The following NLRP2 variants were observed in gnomAD, a reference collection of about 807,000 sequenced individuals.
NLRP2 encodes the protein NACHT, LRR and PYD domains-containing protein 2.
NLRP2 carries 107 observed loss-of-function variants against 97.2 expected under a neutral mutation model. The observed-to-expected ratio is 1.10, with a 90% CI of 0.94 to 1.29. NLRP2 has a LOEUF of 1.29. Among genes scored for constraint, NLRP2 ranks in the 50% most tolerant of loss-of-function variants. The probability of loss-of-function intolerance (pLI) is 0.00; values close to 1 mark genes in which losing one functional copy is unlikely to be tolerated. For missense variants in NLRP2, 1,495 were observed against 1,330.3 expected, an observed-to-expected ratio of 1.12 and a Z score of -1.93; for synonymous variants, 663 against 551.5, an observed-to-expected ratio of 1.20 and a Z score of -2.83.
chr19:54,986,714 C>T (rs1450422038), intron 8 of NLRP2, among the ~76,000 whole-genome samples: 1 of 152,060 alleles, frequency 6.6e-6, no homozygotes, highest in Admixed American at 6.6e-5. Flanking sequence ...CCACGCCCGG[C>T]TAATTTTTGT....
chr19:54,977,602 A>G (rs1287778552), intron 3 of NLRP2, 150 bp from the exon 4 acceptor site: 2 of 773,980 alleles, frequency 2.6e-6, no homozygotes, highest in East Asian at 2.5e-5. Context: ...GGCCTAATGT[A>G]CTTTCACTTT....
rs150097185 is a variant in NLRP2, at chr19:54,970,190, C to T, written c.175C>T (p.Leu59Phe). Residue 59 changes from leucine to phenylalanine, a missense_variant, in exon 2 of 13, where the codon CTC becomes TTC. Coordinates refer to ENST00000448584, the MANE Select transcript of NLRP2 (RefSeq NM_017852.5). ...TGATGGGAAGCAACTGGTAGAAATC[C>T]TCACCACCCATTGTGACAGCTACTG... Reference protein sequence around the residue: ...KADGKQLVEILTTHCDSYWVE... With the variant: ...KADGKQLVEIFTTHCDSYWVE... 1.3e-4 allele frequency: 216 copies of T among 1,613,992 alleles called. No homozygotes were observed. Among genetic ancestry groups the T allele is most frequent in the Non-Finnish European group, 1.8e-4 (208 of 1,180,042 alleles).
At chr19:54,973,884 T>A in intron 2 of NLRP2, 1 of 667,854 alleles carries the variant, frequency 1.5e-6, no homozygotes, top group Non-Finnish European at 2.8e-6. Flanking sequence ...CCCCACAAAG[T>A]GACACAAGGC....
chr19:54,992,686 C>T (rs1267279921), intron 10 of NLRP2, among the ~76,000 whole-genome samples: 1 of 151,050 alleles, frequency 6.6e-6, no homozygotes, highest in African/African-American at 2.4e-5. Context: ...CCTGCCTCAG[C>T]CTCCCAGGGA....
In NLRP2 at chr19:54,972,505, C is replaced by T. The variant is rs115365961; in HGVS notation, c.281-1995C>T. Among the ~76,000 whole-genome samples the T allele has an allele frequency of 8.8e-3, 1,333 of 152,024 alleles. 27 individuals are homozygous for T. The highest frequency in any genetic ancestry group is 0.03 in the African/African-American group (1,248 of 41,462). ...TACACTTTTTTTTGAAACGGGGTCT[C>T]GTTTTCTTGCTCAGGCTGGAGTACA... On this transcript the variant is annotated intron_variant, in intron 2 of 12. Transcript: ENST00000448584.
intron 12 of NLRP2, 150 bp from the exon 13 acceptor site, chr19:55,000,610 A>AGAAG: frequency 1.4e-6 from 1 of 711,050 alleles, no homozygotes; most frequent in African/African-American, 1.8e-5. Flanking sequence ...AAAAAAAAAA[A>AGAAG]TCAATGTGGA....
chr19:54,984,782 C>G (rs1039547303), intron 6 of NLRP2, among the ~76,000 whole-genome samples: 1 of 152,018 alleles, frequency 6.6e-6, no homozygotes, highest in Admixed American at 6.6e-5. Context: ...CGTGCCCGGT[C>G]TATATTCTCT....
chr19:54,976,845 T>G, intron 3 of NLRP2: 1 of 396,268 alleles, frequency 2.5e-6, no homozygotes, highest in Non-Finnish European at 4.8e-6. Flanking sequence ...GGAGTCTCGC[T>G]TGCTCTTTTG....
intron 10 of NLRP2, chr19:54,993,598 T>C (rs1654499): frequency 0.38 from 59,918 of 158,222 alleles, 11,834 homozygotes; most frequent in Middle Eastern, 0.51. Context: ...AATCCCAGCA[T>C]GTTAGGGAGG....
chr19:54,974,478 T>G (rs1489785696), intron 2 of NLRP2, 22 bp from the exon 3 acceptor site: 1 of 1,606,572 alleles, frequency 6.2e-7, no homozygotes, highest in South Asian at 1.1e-5. Flanking sequence ...ATGCAAAATT[T>G]TCCCCCCTTC....
intron 3 of NLRP2, among the ~76,000 whole-genome samples, chr19:54,976,503 C>T (rs573761134): frequency 4.0e-5 from 6 of 150,650 alleles, no homozygotes; most frequent in South Asian, 2.1e-4. Flanking sequence ...CCTACCACCA[C>T]GTCTGGCTAA....
At chr19:54,976,355 A>G (rs2071227948) in intron 3 of NLRP2, among the ~76,000 whole-genome samples, 1 of 151,212 alleles carries the variant, frequency 6.6e-6, no homozygotes, top group Admixed American at 6.6e-5. Context: ...GCCTGGTCTC[A>G]TGAAGACCTT....
intron 3 of NLRP2, 30 bp from the exon 4 acceptor site, chr19:54,977,722 C>A: frequency 6.2e-7 from 1 of 1,611,274 alleles, no homozygotes; most frequent in Non-Finnish European, 8.5e-7. Flanking sequence ...AGCACAGCAA[C>A]AGGCCTGTAA....
intron 7 of NLRP2, 130 bp from the exon 8 acceptor site, chr19:54,986,021 A>G: frequency 2.7e-6 from 2 of 734,354 alleles, no homozygotes; most frequent in South Asian, 1.5e-5. Context: ...AAAAATCTGT[A>G]AAGATGGACA....
chr19:54,988,178 A>G (rs1027868530), intron 8 of NLRP2, among the ~76,000 whole-genome samples: 6 of 152,224 alleles, frequency 3.9e-5, no homozygotes, highest in African/African-American at 7.2e-5. Context: ...CATGCATTCA[A>G]TAGTGGCTGC....
Position 55,000,906 on chromosome 19 carries a change from CGA to C in NLRP2, c.*10_*11del. On this transcript the variant is annotated 3_prime_UTR_variant, in exon 13 of 13. Coordinates refer to ENST00000448584, the MANE Select transcript of NLRP2 (RefSeq NM_017852.5). Reference sequence around the variant, plus strand: ...CATGACTTCATGATCTGAATCCCCCCGAGTCATTCATTCTCCATGAAGTCATC... The same window carrying C: ...CATGACTTCATGATCTGAATCCCCCCGTCATTCATTCTCCATGAAGTCATC... 7 of 1,613,346 alleles carry C rather than the reference CGA, an allele frequency of 4.3e-6. No homozygotes were observed. Among genetic ancestry groups the C allele is most frequent in the Non-Finnish European group, 5.9e-6 (7 of 1,179,482 alleles).
chr19:54,968,107 AG>A (rs765007122), intron 1 of NLRP2, among the ~76,000 whole-genome samples: 12 of 151,888 alleles, frequency 7.9e-5, no homozygotes, highest in Non-Finnish European at 1.8e-4. Context: ...TAGTCGATAT[AG>A]GGTTTCACTA....
At chr19:54,999,296 T>G (rs375085918) in intron 12 of NLRP2, among the ~76,000 whole-genome samples, 21 of 152,152 alleles carry the variant, frequency 1.4e-4, no homozygotes, top group African/African-American at 4.8e-4. Context: ...TACAGGCATG[T>G]GCCACCACAC....
At chr19:54,995,346 C>A (rs1055924367) in intron 11 of NLRP2, among the ~76,000 whole-genome samples, 1 of 151,446 alleles carries the variant, frequency 6.6e-6, no homozygotes, top group African/African-American at 2.4e-5. Context: ...GCATGTGCCA[C>A]CATGCCTGGC....
Sources: gnomAD v4.1 joint callset for allele counts (sites outside exome capture counted in the v4.1 genomes callset) on GRCh38, gnomAD v4.1.1 for gene constraint, MANE v1.5 for transcripts, NCBI Gene and HGNC (gene_info 2026-07-23, HGNC 2026-07-21) for gene names.